The following VEPH1 variants were observed in gnomAD, a reference collection of about 807,000 sequenced individuals.
VEPH1 encodes ventricular zone-expressed PH domain-containing protein homolog 1.
A neutral mutation model predicts 85.2 loss-of-function variants in VEPH1; 80 were observed. The observed-to-expected ratio is 0.94, with a 90% confidence interval of 0.78 to 1.13. VEPH1 has a LOEUF of 1.13. Among genes scored for constraint, VEPH1 ranks in the 50% most tolerant of loss-of-function variants. The pLI, the probability that VEPH1 is intolerant of heterozygous loss-of-function variation, is 0.00. For synonymous variants in VEPH1, 297 were observed against 348.0 expected (o/e 0.85, Z 1.63); for missense variants, 955 against 980.5 (o/e 0.97, Z 0.35).
chr3:157,267,067 G>GTTTTC (rs199561298), intron 12 of VEPH1, among the ~76,000 whole-genome samples: 6 of 147,004 alleles, frequency 4.1e-5, no homozygotes, highest in Non-Finnish European at 6.0e-5. Flanking sequence ...AAAATGTATA[G>GTTTTC]TTTTCTTTTC....
intron 9 of VEPH1, among the ~76,000 whole-genome samples, chr3:157,341,017 C>T (rs563532987): frequency 1.4e-4 from 21 of 152,256 alleles, no homozygotes; most frequent in Admixed American, 3.3e-4. Flanking sequence ...ACCAAAACCC[C>T]GTCTGTACAT....
At chr3:157,478,984 C>G (rs940122984) in intron 2 of VEPH1, among the ~76,000 whole-genome samples, 6 of 151,960 alleles carry the variant, frequency 3.9e-5, no homozygotes, top group Admixed American at 2.0e-4. Context: ...AGGGGGAAAA[C>G]CTGAATAAAC....
intron 12 of VEPH1, among the ~76,000 whole-genome samples, chr3:157,267,112 T>C (rs1713783257): frequency 6.7e-6 from 1 of 149,178 alleles, no homozygotes; most frequent in African/African-American, 2.5e-5. Context: ...CTTTTTTTTT[T>C]TTTTTTGACA....
intron 11 of VEPH1, among the ~76,000 whole-genome samples, chr3:157,311,023 T>A (rs1046374699): frequency 3.3e-5 from 5 of 152,218 alleles, no homozygotes; most frequent in African/African-American, 1.2e-4. Flanking sequence ...GATTTTAACA[T>A]CCAGAAAATG....
intron 6 of VEPH1, among the ~76,000 whole-genome samples, chr3:157,395,911 G>C (rs1291545430): frequency 6.6e-6 from 1 of 151,822 alleles, no homozygotes; most frequent in Non-Finnish European, 1.5e-5. Flanking sequence ...TTCCTTCTCT[G>C]TGTCACCAAT....
At chr3:157,384,001 G>C (rs1426086112) in intron 6 of VEPH1, among the ~76,000 whole-genome samples, 1 of 152,098 alleles carries the variant, frequency 6.6e-6, no homozygotes, top group Non-Finnish European at 1.5e-5. Context: ...GGTAAAAGCT[G>C]GATGTGGGGG....
chr3:157,368,483 G>T (rs200689692), intron 7 of VEPH1, among the ~76,000 whole-genome samples: 10,335 of 91,586 alleles, frequency 0.11, 629 homozygotes, highest in South Asian at 0.3. Context: ...TAAGTTTTTT[G>T]TTTGTTTGTT....
chr3:157,481,934 G>C (rs868152954), intron 2 of VEPH1, among the ~76,000 whole-genome samples: 4 of 152,042 alleles, frequency 2.6e-5, no homozygotes, highest in Middle Eastern at 3.4e-3. Flanking sequence ...TTTTGACTTT[G>C]TCAAAACATT....
chr3:157,446,644 A>C (rs1734576990), intron 4 of VEPH1, among the ~76,000 whole-genome samples: 1 of 152,234 alleles, frequency 6.6e-6, no homozygotes, highest in Non-Finnish European at 1.5e-5. Flanking sequence ...AGTTTTACTA[A>C]GGCCAAATGT....
intron 11 of VEPH1, among the ~76,000 whole-genome samples, chr3:157,292,809 TAAA>T (rs11332321): frequency 3.1e-4 from 31 of 98,578 alleles, no homozygotes; most frequent in African/African-American, 5.4e-4. Flanking sequence ...CCCTCTCTAC[TAAA>T]AAAAAAAAAA....
At chr3:157,440,557 T>C (rs1444608075) in intron 4 of VEPH1, among the ~76,000 whole-genome samples, 1 of 152,118 alleles carries the variant, frequency 6.6e-6, no homozygotes, top group East Asian at 1.9e-4. Flanking sequence ...CTAATTTAGG[T>C]GTTTTTAAAA....
intron 2 of VEPH1, among the ~76,000 whole-genome samples, chr3:157,489,556 C>A (rs2109703100): frequency 6.6e-6 from 1 of 152,206 alleles, no homozygotes; most frequent in East Asian, 1.9e-4. Context: ...ACCTTGTGCA[C>A]CCTATTTGAA....
At chr3:157,500,569 C>T (rs1363869889) in intron 1 of VEPH1, among the ~76,000 whole-genome samples, 3 of 152,106 alleles carry the variant, frequency 2.0e-5, no homozygotes, top group Non-Finnish European at 4.4e-5. Context: ...AATCAAGAAT[C>T]CAGTCATTCA....
At chr3:157,317,669 CTGTGAA>C (rs1720886424) in intron 9 of VEPH1, among the ~76,000 whole-genome samples, 1 of 152,140 alleles carries the variant, frequency 6.6e-6, no homozygotes, top group Non-Finnish European at 1.5e-5. Flanking sequence ...GTGTAGCTTC[CTGTGAA>C]CTGTACTGGT....
At chr3:157,297,414 G>A (rs1718266687) in intron 11 of VEPH1, among the ~76,000 whole-genome samples, 1 of 152,160 alleles carries the variant, frequency 6.6e-6, no homozygotes, top group South Asian at 2.1e-4. Context: ...GGGGAATAAT[G>A]ACATGTGCAT....
intron 2 of VEPH1, among the ~76,000 whole-genome samples, chr3:157,481,466 A>ACACACACACACACACACAC (rs60332684): frequency 1.3e-3 from 65 of 48,208 alleles, no homozygotes; most frequent in African/African-American, 6.8e-3. Flanking sequence ...ACACACACAC[A>ACACACACACACACACACAC]AAAAAAAAAA....
chr3:157,420,496 ATGAC>A (rs1354749908), intron 5 of VEPH1, among the ~76,000 whole-genome samples: 1 of 152,200 alleles, frequency 6.6e-6, no homozygotes, highest in Non-Finnish European at 1.5e-5. Flanking sequence ...AATGGACAAA[ATGAC>A]TGCCATTTTT....
In VEPH1 at chr3:157,335,411, AAAC is replaced by A. The variant is rs546550533; in HGVS notation, c.1736-18213_1736-18211del. On this transcript the variant is annotated intron_variant, in intron 9 of 13. Coordinates refer to ENST00000362010, the MANE Select transcript of VEPH1 (RefSeq NM_001167912.2). ...CCCTATCTCAAAAACAAAGAACAAA[AAAC>A]AACTCCCCACAAGAAGGAAAGGAAT... Among the ~76,000 whole-genome samples the A allele has an allele frequency of 7.2e-4, 109 of 152,292 alleles. 2 individuals are homozygous for A. The South Asian group carries it at 0.021, about 30-fold the overall frequency.
intron 6 of VEPH1, among the ~76,000 whole-genome samples, chr3:157,404,846 G>T (rs911606581): frequency 6.6e-6 from 1 of 152,212 alleles, no homozygotes. Flanking sequence ...GCAAGGACCT[G>T]CTATCATCTT....
Sources: gnomAD v4.1 joint callset for allele counts (sites outside exome capture counted in the v4.1 genomes callset) on GRCh38, gnomAD v4.1.1 for gene constraint, MANE v1.5 for transcripts, NCBI Gene and HGNC (gene_info 2026-07-23, HGNC 2026-07-21) for gene names.